The following NME8 variants were observed in gnomAD, a reference collection of about 807,000 sequenced individuals.
The protein encoded by NME8 is NME/NM23 family member 8, also known as protein NME8.
In NME8, 72 loss-of-function variants were observed where a neutral mutation model predicts 82.3. That is an observed-to-expected ratio of 0.87 (90% CI 0.72 to 1.06). The LOEUF is 1.06. Among genes scored for constraint, NME8 ranks in the 50% least tolerant of loss-of-function variants. The pLI is 0.00. For missense variants in NME8, 712 were observed against 685.4 expected (o/e 1.04, Z -0.43); for synonymous variants, 267 against 228.5 (o/e 1.17, Z -1.52).
intron 17 of NME8, among the ~76,000 whole-genome samples, chr7:37,898,557 A>T (rs919780611): frequency 6.6e-6 from 1 of 152,236 alleles, no homozygotes; most frequent in African/African-American, 2.4e-5. Context: ...TAAAGTATTG[A>T]TGCATACTGC....
At chr7:37,880,190 G>A (rs1784921147) in intron 12 of NME8, among the ~76,000 whole-genome samples, 1 of 152,044 alleles carries the variant, frequency 6.6e-6, no homozygotes, top group Non-Finnish European at 1.5e-5. Flanking sequence ...TCACAGAAAA[G>A]TCTTTATTTT....
At chr7:37,886,527 C>T (rs891069218) in intron 14 of NME8, among the ~76,000 whole-genome samples, 2 of 152,178 alleles carry the variant, frequency 1.3e-5, no homozygotes, top group Non-Finnish European at 2.9e-5. Context: ...GCCTGAATAT[C>T]AGATTCTATG....
In NME8 at chr7:37,888,318, A is replaced by G. The variant is rs779494301; in HGVS notation, c.1289A>G (p.Gln430Arg). The G allele has an allele frequency of 5.6e-6, 9 of 1,613,532 alleles. No homozygotes were observed. In the South Asian group the frequency reaches 8.8e-5, roughly 16 times the overall value. Residue 430 changes from glutamine (Q) to arginine (R), a missense_variant, in exon 15 of 18, where the codon CAG becomes CGG. Coordinates refer to ENST00000199447, the MANE Select transcript of NME8 (RefSeq NM_016616.5). ...QFAMDSLPVN[Q>R]LYGSDSLETA... is the part of the protein sequence containing the mutation. The stretch of plus-strand genomic sequence containing the variant: ...GCGATGGACAGTTTGCCGGTCAACC[A>G]GTTGTATGGCAGCGATTCATTAGAA...
At chr7:37,879,150 ATTTATTT>A (rs1448738534) in intron 12 of NME8, among the ~76,000 whole-genome samples, 4 of 151,098 alleles carry the variant, frequency 2.6e-5, no homozygotes, top group South Asian at 4.2e-4. Context: ...ATTTGTTTTT[ATTTATTT>A]TTATTTTTTG....
At chr7:37,877,149 T>A in intron 12 of NME8, 142 bp downstream of exon 12, 1 of 676,698 alleles carries the variant, frequency 1.5e-6, no homozygotes, top group Non-Finnish European at 2.6e-6. Flanking sequence ...ATTAACTTAC[T>A]AATATCTTAA....
chr7:37,851,508 A>G (rs35230475), intron 5 of NME8, among the ~76,000 whole-genome samples: 41,588 of 151,872 alleles, frequency 0.27, 5,890 homozygotes, highest in African/African-American at 0.36. Flanking sequence ...GAATTAAGAC[A>G]TACTCAAGTG....
chr7:37,863,139 T>C (rs989055328), intron 7 of NME8, among the ~76,000 whole-genome samples: 9 of 152,014 alleles, frequency 5.9e-5, no homozygotes. Flanking sequence ...TTAAAAAAAA[T>C]TTAAAAAATT....
chr7:37,899,517 A>G (rs1283694590), intron 17 of NME8, among the ~76,000 whole-genome samples: 1 of 151,722 alleles, frequency 6.6e-6, no homozygotes. Flanking sequence ...CACACACTAG[A>G]GCCTGTCGGT....
intron 5 of NME8, among the ~76,000 whole-genome samples, chr7:37,856,959 G>A (rs1185125873): frequency 5.3e-5 from 8 of 152,156 alleles, no homozygotes; most frequent in Non-Finnish European, 5.9e-5. Context: ...GCAAAAGGAA[G>A]TGAGACAGAA....
intron 11 of NME8, among the ~76,000 whole-genome samples, chr7:37,870,140 A>G (rs1179814454): frequency 6.6e-6 from 1 of 152,020 alleles, no homozygotes; most frequent in African/African-American, 2.4e-5. Context: ...GATGGTCTAT[A>G]ACAGGGGTGT....
At chr7:37,897,823 T>C (rs1352640884) in intron 17 of NME8, among the ~76,000 whole-genome samples, 1 of 152,210 alleles carries the variant, frequency 6.6e-6, no homozygotes, top group East Asian at 1.9e-4. Context: ...GTTTCATCTA[T>C]GTCCCTGCAA....
At position 37,850,676 on chromosome 7, in the gene NME8, C is replaced by G; in HGVS notation, c.139C>G (p.Pro47Ala). The G allele has an allele frequency of 6.2e-7, 1 of 1,613,618 alleles. No individual in the cohort carries two copies. Among genetic ancestry groups the G allele is most frequent in the Non-Finnish European group, 8.5e-7 (1 of 1,179,566 alleles). The change falls in exon 5 of 18, where the codon CCT becomes GCT. Residue 47 changes from proline to alanine, a missense_variant. Coordinates refer to ENST00000199447, the MANE Select transcript of NME8 (RefSeq NM_016616.5). The stretch of plus-strand genomic sequence containing the variant: ...GTGTGGACCTTGCAGAGCAATGCAA[C>G]CTTTATTCAGAAAATTGAAAAATGA... ...AWCGPCRAMQ[P>A]LFRKLKNELN...
chr7:37,863,379 G>C lies in NME8; in HGVS notation c.388-17G>C, dbSNP rs776582286. 2.7e-6 allele frequency: 4 copies of C among 1,480,088 alleles called. No individual in the cohort carries two copies. In the Admixed American group the frequency reaches 6.7e-5, roughly 25 times the overall value. 91.7% of individuals were successfully genotyped at this position (1,480,088 alleles called of 1,614,324 possible). ...AACATAACTGTGTTATCTTTGCATT[G>C]CATTTCTTTTTCATAGTATCCTGAA... is the stretch of plus-strand genomic sequence containing the variant. On this transcript the variant is annotated splice_polypyrimidine_tract_variant and intron_variant, in intron 7 of 17. Coordinates refer to ENST00000199447, the MANE Select transcript of NME8 (RefSeq NM_016616.5).
At chr7:37,883,992 C>CAA (rs145552156) in intron 12 of NME8, among the ~76,000 whole-genome samples, 1 of 151,838 alleles carries the variant, frequency 6.6e-6, no homozygotes, top group Non-Finnish European at 1.5e-5. Flanking sequence ...CACACCCACA[C>CAA]AATCACTCAC....
At chr7:37,877,783 T>C (rs1784879484) in intron 12 of NME8, among the ~76,000 whole-genome samples, 1 of 152,128 alleles carries the variant, frequency 6.6e-6, no homozygotes, top group African/African-American at 2.4e-5. Flanking sequence ...TAAAAGTCAG[T>C]ATCATACCCC....
chr7:37,869,543 G>A (rs764892003), intron 11 of NME8, among the ~76,000 whole-genome samples: 1 of 152,050 alleles, frequency 6.6e-6, no homozygotes, highest in Non-Finnish European at 1.5e-5. Context: ...TCCAATACTC[G>A]CATGACACCA....
chr7:37,879,235 G>A (rs748826498), intron 12 of NME8, among the ~76,000 whole-genome samples: 1 of 151,938 alleles, frequency 6.6e-6, no homozygotes, highest in Non-Finnish European at 1.5e-5. Context: ...TGCAACCTCC[G>A]CCTCCCAGGT....
intron 16 of NME8, among the ~76,000 whole-genome samples, chr7:37,895,480 C>T (rs916175360): frequency 3.3e-5 from 5 of 152,162 alleles, no homozygotes; most frequent in East Asian, 1.9e-4. Context: ...ACTAGTGTTT[C>T]GCTGGGTCCT....
intron 14 of NME8, among the ~76,000 whole-genome samples, chr7:37,888,005 CA>C (rs746072709): frequency 2.0e-5 from 3 of 152,114 alleles, no homozygotes; most frequent in Admixed American, 6.6e-5. Context: ...GGAACAAAGC[CA>C]AACCATATCA....
Sources: gnomAD v4.1 joint callset for allele counts (sites outside exome capture counted in the v4.1 genomes callset) on GRCh38, gnomAD v4.1.1 for gene constraint, MANE v1.5 for transcripts, NCBI Gene and HGNC (gene_info 2026-07-23, HGNC 2026-07-21) for gene names.